Variants in PLS1 observed in about 807,000 individuals in gnomAD.
PLS1 encodes plastin 1.
PLS1 carries 32 observed loss-of-function variants against 73.7 expected under a neutral mutation model. The ratio of observed to expected loss-of-function variants is 0.43; its 90% CI spans 0.33 to 0.58. The LOEUF is 0.58. Ranked by LOEUF, PLS1 falls within the 20% of genes least tolerant of loss-of-function variation. The pLI, the probability that PLS1 is intolerant of heterozygous loss-of-function variation, is 0.04. For missense variants in PLS1, 633 were observed against 740.5 expected, an observed-to-expected ratio of 0.85 and a Z score of 1.68; for synonymous variants, 217 against 261.3, an observed-to-expected ratio of 0.83 and a Z score of 1.63.
intron 10 of PLS1, among the ~76,000 whole-genome samples, chr3:142,691,237 G>C (rs1401732363): frequency 6.6e-6 from 1 of 151,890 alleles, no homozygotes; most frequent in East Asian, 1.9e-4. Context: ...CATTCTTCTT[G>C]AAGGTCCCGT....
intron 1 of PLS1, among the ~76,000 whole-genome samples, chr3:142,614,310 A>G (rs750593832): frequency 3.9e-5 from 6 of 152,230 alleles, no homozygotes; most frequent in Non-Finnish European, 5.9e-5. Flanking sequence ...TAGAGCTTAC[A>G]CTTAACTACC....
Position 142,664,191 on chromosome 3 carries a change from G to T in PLS1, c.-36-11G>T. The T allele has an allele frequency of 9.7e-7, 1 of 1,032,696 alleles. No homozygotes were observed. The highest frequency in any genetic ancestry group is 1.5e-6 in the Non-Finnish European group (1 of 681,898). The allele number at this position is 1,032,696 out of a possible 1,614,324, so 64.0% of individuals were successfully genotyped here. A position where few individuals can be genotyped will look rare whatever the true frequency, so the allele number is the denominator to read the frequency against. The stretch of plus-strand genomic sequence containing the variant: ...GGCTTCATGCTTTTTTTATAATATT[G>T]CTTTTTCTAGATATAAAGACCTGAA... On this transcript the variant is annotated splice_polypyrimidine_tract_variant and intron_variant, in intron 1 of 15. Coordinates refer to ENST00000457734, the MANE Select transcript of PLS1 (RefSeq NM_001145319.2).
intron 1 of PLS1, among the ~76,000 whole-genome samples, chr3:142,648,224 C>T (rs1451618672): frequency 3.4e-5 from 5 of 147,702 alleles, no homozygotes; most frequent in African/African-American, 1.1e-4. Flanking sequence ...GGGTAAAGAA[C>T]GGCTGTGAGA....
chr3:142,703,661 T>C (rs2038384055), intron 12 of PLS1, among the ~76,000 whole-genome samples: 2 of 152,154 alleles, frequency 1.3e-5, no homozygotes, highest in African/African-American at 4.8e-5. Flanking sequence ...TTCCTCTATC[T>C]AGGTTAACCC....
chr3:142,686,349 C>A lies in PLS1; in HGVS notation c.954C>A (p.Ala318=), dbSNP rs41265481. The A allele has an allele frequency of 1.2e-6, 2 of 1,608,056 alleles. No homozygotes were observed. The highest frequency in any genetic ancestry group is 2.7e-5 in the African/African-American group (2 of 74,788). ...CTAAAGGTGGGGAAGATGGACCTGCCATTGCCATTGACCTTTCAGGAATTA... is the reference window on the plus strand; with the variant it reads ...CTAAAGGTGGGGAAGATGGACCTGCAATTGCCATTGACCTTTCAGGAATTA... The part of the protein sequence containing the change: ...IAPKGGEDGP[A]IAIDLSGINE... Residue 318 remains alanine (A), a synonymous_variant, in exon 9 of 16, where the codon GCC becomes GCA. Transcript: ENST00000457734.
chr3:142,632,949 T>C (rs2036598233), intron 1 of PLS1, among the ~76,000 whole-genome samples: 1 of 152,214 alleles, frequency 6.6e-6, no homozygotes, highest in African/African-American at 2.4e-5. Flanking sequence ...ATTGCATCAT[T>C]AGTCACAACA....
At chr3:142,629,920 C>T (rs1196738407) in intron 1 of PLS1, among the ~76,000 whole-genome samples, 1 of 152,104 alleles carries the variant, frequency 6.6e-6, no homozygotes, top group African/African-American at 2.4e-5. Context: ...AAAAATGTCT[C>T]CAGACATTGC....
intron 1 of PLS1, among the ~76,000 whole-genome samples, chr3:142,621,093 A>G (rs145388090): frequency 6.6e-4 from 101 of 152,276 alleles, no homozygotes; most frequent in African/African-American, 2.2e-3. Flanking sequence ...GCTTGGCACC[A>G]TATCTTTTTC....
chr3:142,709,674 G>A (rs950536422), intron 14 of PLS1, among the ~76,000 whole-genome samples: 2 of 152,040 alleles, frequency 1.3e-5, no homozygotes, highest in South Asian at 2.1e-4. Flanking sequence ...AATATCAGCC[G>A]GGTGTGGTGG....
intron 1 of PLS1, among the ~76,000 whole-genome samples, chr3:142,632,256 T>G (rs1261638138): frequency 6.6e-6 from 1 of 152,100 alleles, no homozygotes; most frequent in Non-Finnish European, 1.5e-5. Context: ...CCATCACAAT[T>G]TGAAGTAAGT....
At chr3:142,629,854 C>A (rs1047821596) in intron 1 of PLS1, among the ~76,000 whole-genome samples, 1 of 152,104 alleles carries the variant, frequency 6.6e-6, no homozygotes, top group African/African-American at 2.4e-5. Flanking sequence ...TGATGTTTAG[C>A]AACGTCCCTG....
intron 1 of PLS1, among the ~76,000 whole-genome samples, chr3:142,617,760 T>C (rs995227237): frequency 6.6e-6 from 1 of 151,672 alleles, no homozygotes; most frequent in Non-Finnish European, 1.5e-5. Context: ...GGTGGATCAC[T>C]TGAGGTCGGG....
chr3:142,696,685 T>A (rs942542482), intron 11 of PLS1, among the ~76,000 whole-genome samples: 2 of 150,484 alleles, frequency 1.3e-5, no homozygotes, highest in Non-Finnish European at 3.0e-5. Flanking sequence ...TCTCTGGAAA[T>A]CATTTAAACT....
intron 1 of PLS1, among the ~76,000 whole-genome samples, chr3:142,598,157 T>C (rs2035845140): frequency 1.3e-5 from 2 of 152,196 alleles, no homozygotes; most frequent in African/African-American, 4.8e-5. Flanking sequence ...ACTACTGTTG[T>C]TTGTGCTGTT....
intron 1 of PLS1, among the ~76,000 whole-genome samples, chr3:142,617,897 G>A (rs188879809): frequency 6.6e-6 from 1 of 152,178 alleles, no homozygotes; most frequent in African/African-American, 2.4e-5. Flanking sequence ...AGAATAGCTT[G>A]AACCCAGGAG....
At chr3:142,611,340 G>T (rs1018064505) in intron 1 of PLS1, among the ~76,000 whole-genome samples, 2 of 152,170 alleles carry the variant, frequency 1.3e-5, no homozygotes, top group African/African-American at 4.8e-5. Context: ...TACTTAAATT[G>T]GTCAAGCATG....
chr3:142,655,233 G>A (rs186465867), intron 1 of PLS1, among the ~76,000 whole-genome samples: 16 of 152,296 alleles, frequency 1.1e-4, no homozygotes, highest in Non-Finnish European at 1.6e-4. Context: ...ATGGGAAGGC[G>A]TTAAGGATAT....
At chr3:142,659,654 C>T (rs1191192411) in intron 1 of PLS1, among the ~76,000 whole-genome samples, 2 of 150,912 alleles carry the variant, frequency 1.3e-5, no homozygotes, top group East Asian at 1.9e-4. Flanking sequence ...ATCAGTTCCT[C>T]TTCCACTTTT....
chr3:142,654,072 A>G (rs902970820), intron 1 of PLS1, among the ~76,000 whole-genome samples: 1 of 152,176 alleles, frequency 6.6e-6, no homozygotes, highest in African/African-American at 2.4e-5. Flanking sequence ...CTTGGTGGCA[A>G]GTCTGACAGC....
Sources: gnomAD v4.1 joint callset for allele counts (sites outside exome capture counted in the v4.1 genomes callset) on GRCh38, gnomAD v4.1.1 for gene constraint, MANE v1.5 for transcripts, NCBI Gene and HGNC (gene_info 2026-07-23, HGNC 2026-07-21) for gene names.